Variants in FCHSD2 observed in about 807,000 individuals in gnomAD.
FCHSD2 encodes FCH and double SH3 domains 2.
FCHSD2 carries 38 observed loss-of-function variants against 108.1 expected under a neutral mutation model. The ratio of observed to expected loss-of-function variants is 0.35; its 90% CI spans 0.27 to 0.46. The LOEUF is 0.46. Among genes scored for constraint, FCHSD2 ranks in the 20% least tolerant of loss-of-function variants. FCHSD2 has a pLI of 1.00. For missense variants in FCHSD2, 751 were observed against 897.8 expected (o/e 0.84, Z 2.09); for synonymous variants, 279 against 314.7 (o/e 0.89, Z 1.20).
rs146829948 is a variant in FCHSD2 at position 72,940,761 on chromosome 11, T to C, written c.706-18811A>G. 36 of 850,502 alleles carry C rather than the reference T, an allele frequency of 4.2e-5. No homozygotes were observed. In the Middle Eastern group the frequency reaches 9.9e-4, roughly 23 times the overall value. 52.7% of individuals were successfully genotyped at this position (850,502 alleles called of 1,614,324 possible). A position where few individuals can be genotyped will look rare whatever the true frequency, so the allele number is the denominator to read the frequency against. ...CTAATGGCAAGCCTGTTCATCATGG[T>C]GTTAATCAGCTAAAGTTTGCCTGAA... On this transcript the variant is annotated intron_variant, in intron 8 of 19. Transcript: ENST00000409418.
intron 3 of FCHSD2, among the ~76,000 whole-genome samples, chr11:73,048,653 G>C (rs551353852): frequency 1.3e-5 from 2 of 152,228 alleles, no homozygotes; most frequent in South Asian, 2.1e-4. Context: ...GAAAAAGCTG[G>C]AAATAACTTG....
intron 2 of FCHSD2, among the ~76,000 whole-genome samples, chr11:73,135,973 G>A (rs1300113444): frequency 6.6e-6 from 1 of 151,940 alleles, no homozygotes; most frequent in Non-Finnish European, 1.5e-5. Flanking sequence ...GACGAGCCTG[G>A]GCAACAAACA....
At chr11:72,890,035 A>G (rs1367032959) in intron 10 of FCHSD2, 90 bp from the exon 11 acceptor site, 2 of 744,084 alleles carry the variant, frequency 2.7e-6, no homozygotes, top group Non-Finnish European at 4.6e-6. Flanking sequence ...GCCTTCACTT[A>G]ATCAGCACTC....
intron 2 of FCHSD2, among the ~76,000 whole-genome samples, chr11:73,084,275 G>GT (rs1859763688): frequency 6.6e-6 from 1 of 152,126 alleles, no homozygotes; most frequent in African/African-American, 2.4e-5. Context: ...CTTCACTCCA[G>GT]TTTTTTATAA....
intron 2 of FCHSD2, among the ~76,000 whole-genome samples, chr11:73,113,557 C>T (rs773601894): frequency 2.6e-5 from 4 of 151,708 alleles, no homozygotes; most frequent in South Asian, 2.1e-4. Flanking sequence ...TTAGTAGAAA[C>T]GGGGTTTCGC....
chr11:72,960,370 A>T (rs980231055), intron 8 of FCHSD2, among the ~76,000 whole-genome samples: 2 of 152,174 alleles, frequency 1.3e-5, no homozygotes, highest in Non-Finnish European at 2.9e-5. Flanking sequence ...GGAAGAAACA[A>T]ATATCCAAAC....
At chr11:72,882,386 T>TG (rs1366499302) in intron 12 of FCHSD2, among the ~76,000 whole-genome samples, 1 of 149,484 alleles carries the variant, frequency 6.7e-6, no homozygotes, top group East Asian at 1.9e-4. Flanking sequence ...AGTAGAATGA[T>TG]GGTTATCAGA....
intron 12 of FCHSD2, among the ~76,000 whole-genome samples, chr11:72,884,584 CAT>C (rs745373823): frequency 1.7e-4 from 25 of 143,788 alleles, no homozygotes; most frequent in African/African-American, 5.2e-4. Context: ...TATAAAAGAT[CAT>C]ATATATATAT....
intron 2 of FCHSD2, among the ~76,000 whole-genome samples, chr11:73,088,235 T>C (rs572338854): frequency 6.6e-6 from 1 of 152,314 alleles, no homozygotes; most frequent in South Asian, 2.1e-4. Context: ...TGTTTTGATA[T>C]ATAAATACCA....
At chr11:73,007,373 C>T (rs1857763279) in intron 4 of FCHSD2, among the ~76,000 whole-genome samples, 1 of 152,086 alleles carries the variant, frequency 6.6e-6, no homozygotes, top group South Asian at 2.1e-4. Context: ...GTAATCCCAG[C>T]ATTTTGGGAG....
At chr11:72,930,929 A>G (rs1856176976) in intron 8 of FCHSD2, among the ~76,000 whole-genome samples, 1 of 152,040 alleles carries the variant, frequency 6.6e-6, no homozygotes, top group Non-Finnish European at 1.5e-5. Flanking sequence ...AAATATCTTA[A>G]GAGTGTAATT....
intron 3 of FCHSD2, among the ~76,000 whole-genome samples, chr11:73,078,820 G>C (rs989988153): frequency 2.0e-5 from 3 of 152,136 alleles, no homozygotes; most frequent in Admixed American, 1.3e-4. Flanking sequence ...CTGGACTCAC[G>C]TGATTCTCCT....
chr11:72,855,068 G>A (rs1861389831), intron 13 of FCHSD2, among the ~76,000 whole-genome samples: 1 of 152,216 alleles, frequency 6.6e-6, no homozygotes, highest in African/African-American at 2.4e-5. Context: ...GAGGTCGGGA[G>A]TTCGAAACCA....
At chr11:72,993,046 T>C (rs1455441270) in intron 5 of FCHSD2, among the ~76,000 whole-genome samples, 1 of 151,900 alleles carries the variant, frequency 6.6e-6, no homozygotes, top group East Asian at 1.9e-4. Context: ...TACAATGAAC[T>C]CAAACAAATT....
chr11:73,133,611 G>A (rs1336096127), intron 2 of FCHSD2, among the ~76,000 whole-genome samples: 1 of 151,916 alleles, frequency 6.6e-6, no homozygotes, highest in African/African-American at 2.4e-5. Context: ...GAGGCTTTGA[G>A]ATGGCAAAAC....
intron 12 of FCHSD2, 95 bp from the exon 13 acceptor site, chr11:72,868,121 G>A: frequency 1.7e-6 from 2 of 1,161,084 alleles, no homozygotes; most frequent in Non-Finnish European, 2.4e-6. Flanking sequence ...ATGATCGACT[G>A]GATAAAGAAA....
chr11:73,078,529 C>T (rs948560542), intron 3 of FCHSD2, among the ~76,000 whole-genome samples: 2 of 151,906 alleles, frequency 1.3e-5, no homozygotes, highest in Non-Finnish European at 1.5e-5. Context: ...ATGCATGAAG[C>T]TTAAAAGCTG....
rs548095412 is a variant in FCHSD2 at position 73,015,905 on chromosome 11, T to C, written c.166-20A>G. On this transcript the variant is annotated intron_variant, in intron 3 of 19. Transcript: ENST00000409418. ...CATACCCTGTTAAAAAATACATATT[T>C]TTTCTAAAATAAATATTATGCCATA... 3 of 1,401,762 alleles carry C rather than the reference T, an allele frequency of 2.1e-6. No homozygotes were observed. The African/African-American group carries it at 4.3e-5, about 20-fold the overall frequency. The allele number at this position is 1,401,762 out of a possible 1,614,324, so 86.8% of individuals were successfully genotyped here.
intron 8 of FCHSD2, among the ~76,000 whole-genome samples, chr11:72,980,414 C>T (rs1857190272): frequency 6.6e-6 from 1 of 152,006 alleles, no homozygotes; most frequent in African/African-American, 2.4e-5. Flanking sequence ...ATCAGAGTTA[C>T]AATTTCATTT....
Sources: allele counts gnomAD v4.1 joint callset (sites outside exome capture counted in the v4.1 genomes callset), GRCh38; gene constraint gnomAD v4.1.1; transcripts MANE v1.5; gene names NCBI Gene and HGNC (gene_info 2026-07-23, HGNC 2026-07-21).